FBN1: variants seen among roughly 807,000 people sequenced by gnomAD.
FBN1 encodes fibrillin 1.
In FBN1, 29 loss-of-function variants were observed where a neutral mutation model predicts 365.1. The observed-to-expected ratio is 0.08, with a 90% CI of 0.06 to 0.11. The LOEUF is 0.11. FBN1 is among the 10% of genes least tolerant of loss of function. FBN1 has a pLI of 1.00. For synonymous variants in FBN1, 1,210 were observed against 1,270.5 expected (o/e 0.95, Z 1.01); for missense variants, 2,476 against 3,703.2 (o/e 0.67, Z 8.60).
At chr15:48,445,908 T>A (rs2043154624) in intron 47 of FBN1, among the ~76,000 whole-genome samples, 1 of 152,134 alleles carries the variant, frequency 6.6e-6, no homozygotes, top group Non-Finnish European at 1.5e-5. Flanking sequence ...ACAATAAAAT[T>A]TAAAGAATTT....
At chr15:48,612,255 T>C (rs1199882011) in intron 3 of FBN1, among the ~76,000 whole-genome samples, 1 of 152,234 alleles carries the variant, frequency 6.6e-6, no homozygotes, top group Non-Finnish European at 1.5e-5. Flanking sequence ...TTGACCACTG[T>C]CAGCCAAGTG....
At chr15:48,537,244 T>C (rs2044020542) in intron 7 of FBN1, among the ~76,000 whole-genome samples, 1 of 152,088 alleles carries the variant, frequency 6.6e-6, no homozygotes, top group African/African-American at 2.4e-5. Flanking sequence ...CAGTTTCAAA[T>C]GAAGAAAAAA....
In FBN1 at chr15:48,644,804, G is replaced by T. The variant is rs199781948; in HGVS notation, c.-35C>A. ...CCGCCACCGGCTCCCGCCGCCTCTT[G>T]CCGCGCCCGGGGCTCGGTCTGCGGC... On this transcript the variant is annotated 5_prime_UTR_variant, in exon 2 of 66. Coordinates refer to ENST00000316623, the MANE Select transcript of FBN1 (RefSeq NM_000138.5). The T allele has an allele frequency of 1.9e-5, 31 of 1,595,330 alleles. No individual in the cohort carries two copies. The highest frequency in any genetic ancestry group is 2.6e-5 in the Non-Finnish European group (30 of 1,175,256).
chr15:48,452,193 G>T (rs957421941), intron 45 of FBN1, among the ~76,000 whole-genome samples: 1 of 152,162 alleles, frequency 6.6e-6, no homozygotes, highest in African/African-American at 2.4e-5. Flanking sequence ...TTCTGTGGAA[G>T]GAAAAAAATC....
chr15:48,555,434 A>T (rs1471895275), intron 6 of FBN1, among the ~76,000 whole-genome samples: 4 of 152,172 alleles, frequency 2.6e-5, no homozygotes, highest in African/African-American at 9.7e-5. Context: ...CCCTGCCTTT[A>T]AAAGCCTTCT....
intron 36 of FBN1, among the ~76,000 whole-genome samples, chr15:48,469,085 TATATATATAAAATATAATATATATTAC>T (rs1210224992): frequency 0.045 from 5,183 of 114,446 alleles, 204 homozygotes; most frequent in African/African-American, 0.1. Context: ...AAAAAATATA[TATATATATAAAATATAATATATATTAC>T]ATATATATAT....
At chr15:48,445,189 T>C (rs1268803029) in intron 48 of FBN1, among the ~76,000 whole-genome samples, 187 bp downstream of exon 48, 3 of 140,128 alleles carry the variant, frequency 2.1e-5, no homozygotes, top group East Asian at 2.3e-4. Flanking sequence ...TATATGTATA[T>C]ATATATACAT....
chr15:48,505,240 G>C, intron 15 of FBN1, 93 bp from the exon 16 acceptor site: 3 of 1,485,526 alleles, frequency 2.0e-6, no homozygotes, highest in Admixed American at 1.7e-5. Flanking sequence ...TGAAAATGGG[G>C]AAGATAGGAA....
Position 48,503,680 on chromosome 15 carries a change from G to A in FBN1, c.2113+107C>T, listed in dbSNP as rs16961033. On this transcript the variant is annotated intron_variant, in intron 17 of 65. Coordinates refer to ENST00000316623, the MANE Select transcript of FBN1 (RefSeq NM_000138.5). ...CCAAGACCCCAAGAAGGCACATGGC[G>A]TACCTGGAGAGCAAAATGTCATCTT... 247,417 of 1,467,310 alleles carry A rather than the reference G, an allele frequency of 0.17. 25,107 individuals carry two copies. Among genetic ancestry groups the A allele is most frequent in the African/African-American group, 0.39 (28,435 of 72,164 alleles). 90.9% of individuals were successfully genotyped at this position (1,467,310 alleles called of 1,614,324 possible). A position where few individuals can be genotyped will look rare whatever the true frequency, so the allele number is the denominator to read the frequency against.
intron 20 of FBN1, 24 bp downstream of exon 20, chr15:48,496,076 T>G: frequency 1.9e-6 from 3 of 1,613,482 alleles, no homozygotes; most frequent in Non-Finnish European, 2.5e-6. Context: ...AAGTACACAG[T>G]ATAAGAACAA....
At chr15:48,471,383 C>A (rs550578545) in intron 35 of FBN1, among the ~76,000 whole-genome samples, 2 of 152,132 alleles carry the variant, frequency 1.3e-5, no homozygotes, top group South Asian at 4.1e-4. Flanking sequence ...ATATTAAGAA[C>A]AAACAAACAA....
intron 63 of FBN1, among the ~76,000 whole-genome samples, chr15:48,417,502 T>A (rs2042912334): frequency 7.2e-6 from 1 of 138,124 alleles, no homozygotes; most frequent in African/African-American, 2.7e-5. Context: ...CCTCCCCTCC[T>A]TCCTTCTCTC....
At chr15:48,617,765 A>T (rs1889685564) in intron 2 of FBN1, among the ~76,000 whole-genome samples, 1 of 152,184 alleles carries the variant, frequency 6.6e-6, no homozygotes, top group African/African-American at 2.4e-5. Context: ...GCTGGCCTCT[A>T]CCACGTCTGA....
chr15:48,429,112 T>G (rs186011810), intron 56 of FBN1, among the ~76,000 whole-genome samples: 64 of 152,380 alleles, frequency 4.2e-4, no homozygotes, highest in Admixed American at 4.6e-4. Context: ...CACTTACATT[T>G]TTCACTTAGT....
intron 10 of FBN1, among the ~76,000 whole-genome samples, chr15:48,520,359 T>G (rs1453278318): frequency 6.6e-6 from 1 of 152,186 alleles, no homozygotes; most frequent in Admixed American, 6.5e-5. Flanking sequence ...ACTGAGCTTT[T>G]GAGTACTCCA....
chr15:48,620,022 A>T (rs1396508296), intron 2 of FBN1, among the ~76,000 whole-genome samples: 1 of 152,218 alleles, frequency 6.6e-6, no homozygotes, highest in Non-Finnish European at 1.5e-5. Context: ...AGGGCTCATG[A>T]GAGGGACTCA....
At chr15:48,478,592 A>T (rs2043442132) in intron 32 of FBN1, among the ~76,000 whole-genome samples, 2 of 152,172 alleles carry the variant, frequency 1.3e-5, no homozygotes, top group South Asian at 4.1e-4. Context: ...TTAATTATGT[A>T]GAACAAGCAG....
Position 48,630,746 on chromosome 15 carries a change from A to AAAAAG in FBN1, c.164+13855_164+13859dup, listed in dbSNP as rs1013867619. ...GACTCCATCTCAAAAAAAAAAAAAA[A>AAAAAG]AAAAGAAAAGAAAAGAAAAGAAAGT... On this transcript the variant is annotated intron_variant, in intron 2 of 65. Coordinates refer to ENST00000316623, the MANE Select transcript of FBN1 (RefSeq NM_000138.5). 6.3e-4 allele frequency among the ~76,000 whole-genome samples: 91 copies of AAAAAG among 145,330 alleles called. 1 individual carries two copies. The highest frequency in any genetic ancestry group is 2.3e-3 in the African/African-American group (83 of 36,024).
chr15:48,472,478 A>C, intron 35 of FBN1, 73 bp downstream of exon 35: 1 of 1,448,258 alleles, frequency 6.9e-7, no homozygotes, highest in Non-Finnish European at 9.5e-7. Flanking sequence ...AAAAAAAAAA[A>C]GCATCAGGAA....
Sources: gnomAD v4.1 joint callset for allele counts (sites outside exome capture counted in the v4.1 genomes callset) on GRCh38, gnomAD v4.1.1 for gene constraint, MANE v1.5 for transcripts, NCBI Gene and HGNC (gene_info 2026-07-23, HGNC 2026-07-21) for gene names.